The following RYR3 variants were observed in gnomAD, a reference collection of about 807,000 sequenced individuals.
RYR3 encodes the protein ryanodine receptor 3.
Under a neutral mutation model 584.3 loss-of-function variants are expected in RYR3, and 207 were observed. The ratio of observed to expected loss-of-function variants is 0.35; its 90% CI spans 0.32 to 0.40. RYR3 has a LOEUF of 0.40. Among genes scored for constraint, RYR3 ranks in the 10% least tolerant of loss-of-function variants. The pLI, the probability that RYR3 is intolerant of heterozygous loss-of-function variation, is 1.00. For missense variants in RYR3, 5,616 were observed against 6,089.2 expected (o/e 0.92, Z 2.59); for synonymous variants, 2,416 against 2,248.5 (o/e 1.07, Z -2.11).
Position 33,540,897 on chromosome 15 carries a change from TTCTTTAAATGC to T in RYR3, c.646+8_646+18del. 1 of 1,580,772 alleles carries T rather than the reference TTCTTTAAATGC, an allele frequency of 6.3e-7. No individual in the cohort carries two copies. The highest frequency in any genetic ancestry group is 8.7e-7 in the Non-Finnish European group (1 of 1,150,006). ...GGAAGTAGCATCGAAGAAGGTGTGC[TTCTTTAAATGC>T]ATTTAGCCCTGAGCCTGCCTATCTC... On this transcript the variant is annotated splice_region_variant and intron_variant, in intron 7 of 103. Coordinates refer to ENST00000634891, the MANE Select transcript of RYR3 (RefSeq NM_001036.6).
intron 16 of RYR3, among the ~76,000 whole-genome samples, chr15:33,592,982 T>C (rs1005323064): frequency 1.3e-5 from 2 of 152,186 alleles, no homozygotes; most frequent in Non-Finnish European, 2.9e-5. Context: ...AGTACAATGG[T>C]TCAGTCTGGA....
At chr15:33,346,816 T>C (rs1056171108) in intron 1 of RYR3, among the ~76,000 whole-genome samples, 2 of 152,202 alleles carry the variant, frequency 1.3e-5, no homozygotes, top group Admixed American at 6.5e-5. Context: ...CTAGTGTTAT[T>C]GATTTTTAAA....
At chr15:33,864,214 C>A (rs59611174) in intron 103 of RYR3, 25 bp downstream of exon 103, 2 of 1,573,202 alleles carry the variant, frequency 1.3e-6, no homozygotes, top group African/African-American at 1.4e-5. Flanking sequence ...ATCATATACC[C>A]GTGTTAGATC....
intron 1 of RYR3, among the ~76,000 whole-genome samples, chr15:33,338,696 C>T (rs537121597): frequency 6.6e-6 from 1 of 152,240 alleles, no homozygotes; most frequent in South Asian, 2.1e-4. Flanking sequence ...CTTGACTTTT[C>T]CCTTTGGCTA....
intron 91 of RYR3, among the ~76,000 whole-genome samples, chr15:33,843,212 C>G (rs958449317): frequency 1.3e-5 from 2 of 151,850 alleles, no homozygotes. Context: ...CCCAGCTACT[C>G]GGGAGGCTGA....
Position 33,832,440 on chromosome 15 carries a change from A to G in RYR3, c.11463+1349A>G, listed in dbSNP as rs937804419. Among the ~76,000 whole-genome samples, 3 of 152,182 alleles carry G rather than the reference A, an allele frequency of 2.0e-5. No individual in the cohort carries two copies. The South Asian group carries it at 6.2e-4, about 32-fold the overall frequency. On this transcript the variant is annotated intron_variant, in intron 86 of 103. Transcript: ENST00000634891. ...GAGGCCAAGGTGGGCAGATCACCTG[A>G]GGTCAGGAGTTCAAGACTAGCCTGG... is the stretch of plus-strand genomic sequence containing the variant.
intron 57 of RYR3, among the ~76,000 whole-genome samples, chr15:33,751,866 T>A (rs2071350331): frequency 1.3e-5 from 2 of 152,222 alleles, no homozygotes; most frequent in African/African-American, 4.8e-5. Context: ...GGTTTTGGTC[T>A]TATGTTTAAG....
intron 60 of RYR3, among the ~76,000 whole-genome samples, chr15:33,766,841 C>T (rs541712409): frequency 6.6e-6 from 1 of 152,218 alleles, no homozygotes; most frequent in East Asian, 1.9e-4. Flanking sequence ...CATTTATTGT[C>T]TTCAAACTCT....
rs540805009 is a variant in RYR3 at position 33,664,632 on chromosome 15, C to T, written c.5619+895C>T. Among the ~76,000 whole-genome samples, 35 of 80,750 alleles carry T rather than the reference C, an allele frequency of 4.3e-4. 2 individuals carry two copies. The highest frequency in any genetic ancestry group is 3.3e-3 in the South Asian group (7 of 2,118). The allele number at this position is 80,750 out of a possible 152,430, so 53.0% of individuals were successfully genotyped here. On this transcript the variant is annotated intron_variant, in intron 36 of 103. Coordinates refer to ENST00000634891, the MANE Select transcript of RYR3 (RefSeq NM_001036.6). ...ATATATATACGTATGTATACATCTG[C>T]GAGGGAGATGCAAAATGTAGGTAAT...
chr15:33,764,699 A>C (rs756167362), intron 60 of RYR3, among the ~76,000 whole-genome samples: 9 of 152,184 alleles, frequency 5.9e-5, no homozygotes, highest in Non-Finnish European at 1.3e-4. Flanking sequence ...ACTGCTTTCC[A>C]TCCCATGCTT....
chr15:33,737,951 C>T (rs1018202365), intron 49 of RYR3, among the ~76,000 whole-genome samples: 10 of 151,956 alleles, frequency 6.6e-5, no homozygotes, highest in African/African-American at 2.2e-4. Flanking sequence ...AGGGAGCGGG[C>T]ACGGGGAGTG....
At chr15:33,488,629 G>A (rs567709856) in intron 2 of RYR3, among the ~76,000 whole-genome samples, 1 of 152,190 alleles carries the variant, frequency 6.6e-6, no homozygotes, top group Admixed American at 6.5e-5. Context: ...AAGGCGGGCA[G>A]ATCACAAGGT....
In RYR3 at chr15:33,566,808, G is replaced by A; in HGVS notation, c.1268+9G>A. The stretch of plus-strand genomic sequence containing the variant: ...TTCAGCCAGTTTGTCAGGTATGTTA[G>A]CTCCTTTCCTCCTCTACCTAGTGAG... On this transcript the variant is annotated intron_variant, in intron 12 of 103. Transcript: ENST00000634891. The A allele has an allele frequency of 6.2e-7, 1 of 1,613,572 alleles. No homozygotes were observed. Among genetic ancestry groups the A allele is most frequent in the South Asian group, 1.1e-5 (1 of 91,062 alleles).
chr15:33,852,894 C>G (rs2079251150), intron 94 of RYR3, 151 bp from the exon 95 acceptor site: 2 of 677,800 alleles, frequency 3.0e-6, no homozygotes, highest in African/African-American at 1.8e-5. Flanking sequence ...CCTGTGATGA[C>G]TCTGAACTTC....
chr15:33,662,809 C>T lies in RYR3; in HGVS notation c.5279C>T (p.Ala1760Val), dbSNP rs777812122. ...IDPSVFGEHSAGTEEGAEKEE... is the reference protein window; with the variant it reads ...IDPSVFGEHSVGTEEGAEKEE... ...CCCTCTGTGTTTGGGGAGCATAGTG[C>T]GGGGACAGAGGAGGGAGCAGAAAAG... The change falls in exon 35 of 104, where the codon GCG becomes GTG. Residue 1760 changes from alanine to valine, a missense_variant. Ala to Val is a moderately conservative substitution (Grantham distance 64). This residue lies in a region of RYR3 where 753 missense variants were observed against 741.0 expected (regional missense o/e 1.02). Transcript: ENST00000634891. 6.2e-6 allele frequency: 10 copies of T among 1,613,666 alleles called. No individual in the cohort carries two copies. In the Admixed American group the frequency reaches 6.7e-5, roughly 11 times the overall value.
At chr15:33,849,768 C>A (rs56934433) in intron 94 of RYR3, 4,961 of 152,260 alleles carry the variant, frequency 0.033, 206 homozygotes, top group East Asian at 0.23. Context: ...GATGATCAGG[C>A]AAACTGAGAA....
rs992770357 is a variant in RYR3, at chr15:33,727,812, G to A, written c.7034-1045G>A. The stretch of plus-strand genomic sequence containing the variant: ...CTGTGGCTATAGCGTGCTCATTTGG[G>A]GGTCCTCTTTCCTAGTTTTTAGTGT... On this transcript the variant is annotated intron_variant, in intron 46 of 103. Coordinates refer to ENST00000634891, the MANE Select transcript of RYR3 (RefSeq NM_001036.6). Among the ~76,000 whole-genome samples, 4 of 152,258 alleles carry A rather than the reference G, an allele frequency of 2.6e-5. 1 individual carries two copies. In the Middle Eastern group the frequency reaches 0.014, roughly 518 times the overall value.
chr15:33,416,906 A>T (rs958304107), intron 1 of RYR3, among the ~76,000 whole-genome samples: 6 of 152,144 alleles, frequency 3.9e-5, no homozygotes, highest in African/African-American at 1.4e-4. Flanking sequence ...TTTTCTGCAT[A>T]TGGTTAGACA....
At chr15:33,373,511 A>G (rs955495931) in intron 1 of RYR3, among the ~76,000 whole-genome samples, 8 of 152,252 alleles carry the variant, frequency 5.3e-5, no homozygotes, top group Non-Finnish European at 1.0e-4. Context: ...TTTAGAAAAA[A>G]TAACTGTTGT....
Sources: allele counts gnomAD v4.1 joint callset (sites outside exome capture counted in the v4.1 genomes callset), GRCh38; gene constraint gnomAD v4.1.1; regional missense constraint gnomAD v4.1.1; transcripts MANE v1.5; gene names NCBI Gene and HGNC (gene_info 2026-07-23, HGNC 2026-07-21).